Variants in IL20 observed in about 807,000 individuals in gnomAD.
IL20 encodes the protein interleukin 20.
IL20 carries 22 observed loss-of-function variants against 19.2 expected under a neutral mutation model. That is an observed-to-expected ratio of 1.15 (90% CI 0.82 to 1.64). IL20 has a LOEUF of 1.64. Ranked by LOEUF, IL20 falls within the 40% of genes most tolerant of loss-of-function variation. The pLI, the probability that IL20 is intolerant of heterozygous loss-of-function variation, is 0.00. For missense variants in IL20, 215 were observed against 212.8 expected, an observed-to-expected ratio of 1.01 and a Z score of -0.06; for synonymous variants, 70 against 76.2, an observed-to-expected ratio of 0.92 and a Z score of 0.43.
In IL20 at chr1:206,866,583, A is replaced by T. The variant is rs1397492907; in HGVS notation, c.325A>T (p.Ile109Phe). 2.5e-6 allele frequency: 4 copies of T among 1,614,072 alleles called. No homozygotes were observed. Among genetic ancestry groups the T allele is most frequent in the Non-Finnish European group, 3.4e-6 (4 of 1,180,026 alleles). ...CCCTGACCATTATACTCTCCGGAAG[A>T]TCAGCAGCCTCGCCAATTCCTTTCT... is the stretch of plus-strand genomic sequence containing the variant. ...QTPDHYTLRK[I>F]SSLANSFLTI... Residue 109 changes from isoleucine to phenylalanine, a missense_variant, in exon 4 of 6, where the codon ATC (isoleucine) becomes TTC (phenylalanine). Transcript: ENST00000367098.
chr1:206,863,953 T>C (rs1423302292), upstream of IL20, among the ~76,000 whole-genome samples: 2 of 152,218 alleles, frequency 1.3e-5, no homozygotes, highest in African/African-American at 4.8e-5. Context: ...AATTTCTGGG[T>C]TAAGTTTAAT....
upstream of IL20, among the ~76,000 whole-genome samples, chr1:206,863,992 A>T (rs145154508): frequency 1.2e-3 from 185 of 152,300 alleles, no homozygotes; most frequent in African/African-American, 4.3e-3. Context: ...AAGAAAATTA[A>T]ACTCAGAGGT....
Position 206,866,512 on chromosome 1 carries a change from A to T in IL20, c.254A>T (p.His85Leu), listed in dbSNP as rs1336377596. 1 of 1,613,844 alleles carries T rather than the reference A, an allele frequency of 6.2e-7. No homozygotes were observed. Among genetic ancestry groups the T allele is most frequent in the African/African-American group, 1.3e-5 (1 of 74,848 alleles). ...KPANRCCLLR[H>L]LLRLYLDRVF... ...GCGAATCGATGCTGCCTCCTGCGCCATTTGCTAAGACTCTATCTGGACAGG... is the reference window on the plus strand; with the variant it reads ...GCGAATCGATGCTGCCTCCTGCGCCTTTTGCTAAGACTCTATCTGGACAGG... Residue 85 changes from histidine (H) to leucine (L), a missense_variant, in exon 4 of 6, where the codon CAT becomes CTT. Coordinates refer to ENST00000367098, the MANE Select transcript of IL20 (RefSeq NM_018724.4).
Position 206,865,664 on chromosome 1 carries a change from G to A in IL20, c.-53G>A, listed in dbSNP as rs1453100249. On this transcript the variant is annotated 5_prime_UTR_variant, in exon 1 of 6. Coordinates refer to ENST00000367098, the MANE Select transcript of IL20 (RefSeq NM_018724.4). This position sits in a 1 kb window ranked among gnomAD's most constrained non-coding sequence, Gnocchi z 4.1. ...CTCAGACCTGAAATCTTCTCTTCAC[G>A]GGAGGCTTGGCAGTTTTTCTTAGTA... The A allele has an allele frequency of 3.6e-6, 5 of 1,384,102 alleles. No homozygotes were observed. Among genetic ancestry groups the A allele is most frequent in the Non-Finnish European group, 4.7e-6 (5 of 1,069,886 alleles). 85.7% of individuals were successfully genotyped at this position (1,384,102 alleles called of 1,614,324 possible).
intron 5 of IL20, among the ~76,000 whole-genome samples, chr1:206,868,250 A>G (rs893439627): frequency 1.3e-5 from 2 of 152,158 alleles, no homozygotes; most frequent in African/African-American, 4.8e-5. Flanking sequence ...CTTAAGTAGC[A>G]GTTTTACTTC....
intron 4 of IL20, 150 bp downstream of exon 4, chr1:206,866,786 T>C (rs904946980): frequency 4.5e-5 from 37 of 826,840 alleles, no homozygotes; most frequent in Admixed American, 1.9e-4. Flanking sequence ...GACTAGGTAA[T>C]AAGAACTCAG....
chr1:206,869,028 T>C lies in IL20; in HGVS notation c.*464T>C, dbSNP rs2102507736. The C allele has an allele frequency of 1.3e-5, 2 of 152,342 alleles. No individual in the cohort carries two copies. The highest frequency in any genetic ancestry group is 4.2e-4 in the South Asian group (2 of 4,812). The allele number at this position is 152,342 out of a possible 1,614,324, so 9.4% of individuals were successfully genotyped here. On this transcript the variant is annotated 3_prime_UTR_variant, in exon 6 of 6. Coordinates refer to ENST00000367098, the MANE Select transcript of IL20 (RefSeq NM_018724.4). The stretch of plus-strand genomic sequence containing the variant: ...GACATATTTACTCATGCTGATGCTC[T>C]GTGAGATATTTGAAATTGAACCAAT...
chr1:206,867,526 T>A lies in IL20; in HGVS notation c.453+68T>A, dbSNP rs891883248. ...GAACTGAGATCATAGGTAGGTGGGA[T>A]GGTTATTCACTGTTAGACATCCTGT... On this transcript the variant is annotated intron_variant, in intron 5 of 5. Transcript: ENST00000367098. 2.1e-5 allele frequency: 27 copies of A among 1,292,318 alleles called. 1 individual carries two copies. The highest frequency in any genetic ancestry group is 3.7e-4 in the Middle Eastern group (2 of 5,438). 80.1% of individuals were successfully genotyped at this position (1,292,318 alleles called of 1,614,324 possible).
At chr1:206,864,097 T>A (rs1006345237), upstream of IL20, among the ~76,000 whole-genome samples, 1 of 152,158 alleles carries the variant, frequency 6.6e-6, no homozygotes, top group Non-Finnish European at 1.5e-5. Flanking sequence ...ATTTTCGTAT[T>A]TCAGGAACCA....
In IL20 at chr1:206,868,470, G is replaced by C; in HGVS notation, c.454-17G>C. The C allele has an allele frequency of 1.3e-6, 2 of 1,577,304 alleles. No homozygotes were observed. The highest frequency in any genetic ancestry group is 1.7e-6 in the Non-Finnish European group (2 of 1,160,186). ...GTCTCATGAATTGCTAACCACATGG[G>C]TGTGTGTCTCTTTCAGCTGGAACCT... is the stretch of plus-strand genomic sequence containing the variant. On this transcript the variant is annotated splice_polypyrimidine_tract_variant and intron_variant, in intron 5 of 5. Coordinates refer to ENST00000367098, the MANE Select transcript of IL20 (RefSeq NM_018724.4).
chr1:206,865,405 TG>T, upstream of IL20: 2 of 628,898 alleles, frequency 3.2e-6, no homozygotes, highest in Non-Finnish European at 4.0e-6. The surrounding 1 kb of genome is among the most constrained non-coding windows in gnomAD (Gnocchi z 4.1). Context: ...AGTTCCCCTG[TG>T]GGTCTGAGGG....
intron 4 of IL20, 44 bp downstream of exon 4, chr1:206,866,680 C>T: frequency 5.7e-6 from 9 of 1,571,172 alleles, no homozygotes; most frequent in Non-Finnish European, 7.9e-6. Context: ...CAGCACACAG[C>T]TTCAATGGCT....
At chr1:206,866,051 TCTTC>T in intron 2 of IL20, 40 bp downstream of exon 2, 1 of 1,574,948 alleles carries the variant, frequency 6.3e-7, no homozygotes, top group Non-Finnish European at 8.7e-7. Context: ...AAGCCTTTTC[TCTTC>T]CTTCCTTGTC....
intron 5 of IL20, 103 bp from the exon 6 acceptor site, chr1:206,868,384 G>C: frequency 1.7e-6 from 1 of 582,264 alleles, no homozygotes; most frequent in East Asian, 3.3e-5. Flanking sequence ...TGAAAAGAAT[G>C]CTCTGCTTAC....
At chr1:206,866,200 C>T (rs2102504980) in intron 2 of IL20, 99 bp from the exon 3 acceptor site, 1 of 1,275,282 alleles carries the variant, frequency 7.8e-7, no homozygotes, top group East Asian at 2.3e-5. Context: ...GGACACCTCC[C>T]ACTAGTTCTT....
At chr1:206,868,461 A>G (rs779437471) in intron 5 of IL20, 26 bp from the exon 6 acceptor site, 1 of 1,551,296 alleles carries the variant, frequency 6.4e-7, no homozygotes. Flanking sequence ...TGAATTGCTA[A>G]CCACATGGGT....
intron 4 of IL20, 28 bp downstream of exon 4, chr1:206,866,664 G>A (rs377545697): frequency 2.7e-5 from 43 of 1,607,462 alleles, no homozygotes; most frequent in Non-Finnish European, 3.7e-5. Context: ...GTGACAGGAT[G>A]CATCTCAGCA....
intron 3 of IL20, 50 bp from the exon 4 acceptor site, chr1:206,866,434 G>A (rs1677547026): frequency 1.9e-6 from 3 of 1,613,680 alleles, no homozygotes; most frequent in Non-Finnish European, 2.5e-6. Context: ...CCCTGGTCTT[G>A]TCTCTGCTCT....
upstream of IL20, chr1:206,865,288 CAG>C (rs1677510992): frequency 6.4e-6 from 1 of 155,142 alleles, no homozygotes; most frequent in African/African-American, 2.4e-5. This position sits in a 1 kb window ranked among gnomAD's most constrained non-coding sequence, Gnocchi z 4.1. Flanking sequence ...AAATGCCAAA[CAG>C]AGCTCAGTTT....
Sources: gnomAD v4.1 joint callset for allele counts (sites outside exome capture counted in the v4.1 genomes callset) on GRCh38, gnomAD v4.1.1 for gene constraint, Gnocchi (gnomAD v3.1) non-coding constraint, MANE v1.5 for transcripts, NCBI Gene and HGNC (gene_info 2026-07-23, HGNC 2026-07-21) for gene names.